RYR3: variants seen among roughly 807,000 people sequenced by gnomAD.
RYR3 encodes the protein ryanodine receptor 3.
A neutral mutation model predicts 584.3 loss-of-function variants in RYR3; 207 were observed. The ratio of observed to expected loss-of-function variants is 0.35; its 90% CI spans 0.32 to 0.40. The LOEUF (loss-of-function observed/expected upper bound fraction) is 0.40. Ranked by LOEUF, RYR3 falls within the 10% of genes least tolerant of loss-of-function variation. The pLI, the probability that RYR3 is intolerant of heterozygous loss-of-function variation, is 1.00. For synonymous variants in RYR3, 2,416 were observed against 2,248.5 expected (o/e 1.07, Z -2.11); for missense variants, 5,616 against 6,089.2 (o/e 0.92, Z 2.59).
chr15:33,608,925 G>A (rs376547090), intron 18 of RYR3, among the ~76,000 whole-genome samples: 1 of 152,214 alleles, frequency 6.6e-6, no homozygotes, highest in Non-Finnish European at 1.5e-5. Context: ...CCTCTGGAGG[G>A]CATATGGCAG....
intron 1 of RYR3, among the ~76,000 whole-genome samples, chr15:33,393,534 T>C (rs1226963522): frequency 6.6e-6 from 1 of 152,022 alleles, no homozygotes; most frequent in Non-Finnish European, 1.5e-5. Flanking sequence ...TTATTATTGA[T>C]AGGGAGGGAA....
intron 1 of RYR3, among the ~76,000 whole-genome samples, chr15:33,448,176 G>T (rs1373664032): frequency 1.3e-5 from 2 of 152,100 alleles, no homozygotes; most frequent in South Asian, 4.1e-4. Context: ...GAGTCTTCCA[G>T]TGAGGGCCTC....
intron 50 of RYR3, 56 bp from the exon 51 acceptor site, chr15:33,739,776 G>T: frequency 6.7e-7 from 1 of 1,487,652 alleles, no homozygotes; most frequent in South Asian, 1.2e-5. Flanking sequence ...GATTGGTTCT[G>T]TCTAAAGGCA....
At chr15:33,833,451 AAGG>A (rs1333108900) in intron 86 of RYR3, among the ~76,000 whole-genome samples, 2 of 152,260 alleles carry the variant, frequency 1.3e-5, no homozygotes, top group African/African-American at 4.8e-5. Context: ...TCAACTTGAA[AAGG>A]AGGATTTTGA....
intron 1 of RYR3, among the ~76,000 whole-genome samples, chr15:33,347,984 G>A (rs1013745914): frequency 2.6e-5 from 4 of 151,538 alleles, no homozygotes; most frequent in African/African-American, 9.7e-5. Flanking sequence ...ACAGAGCAAA[G>A]AAAGATATGT....
At chr15:33,585,403 G>A (rs2058797730) in intron 15 of RYR3, among the ~76,000 whole-genome samples, 1 of 152,184 alleles carries the variant, frequency 6.6e-6, no homozygotes, top group Non-Finnish European at 1.5e-5. Context: ...CCAGGCTGCA[G>A]AGGCACTAGT....
At chr15:33,615,945 C>A (rs1183919662) in intron 19 of RYR3, among the ~76,000 whole-genome samples, 1 of 152,178 alleles carries the variant, frequency 6.6e-6, no homozygotes, top group Non-Finnish European at 1.5e-5. Context: ...ATAAATACAA[C>A]ACAACAGTGT....
At chr15:33,828,821 G>A (rs1198316605) in intron 85 of RYR3, among the ~76,000 whole-genome samples, 1 of 152,196 alleles carries the variant, frequency 6.6e-6, no homozygotes, top group Non-Finnish European at 1.5e-5. Context: ...ATCTATCTAG[G>A]ATAATTGATG....
At chr15:33,319,385 C>T (rs1595700424) in intron 1 of RYR3, among the ~76,000 whole-genome samples, 1 of 152,164 alleles carries the variant, frequency 6.6e-6, no homozygotes, top group African/African-American at 2.4e-5. Context: ...TAAGCCCCTC[C>T]TAAGTCCCTT....
At chr15:33,752,521 GCTCT>G (rs1407195609) in intron 57 of RYR3, among the ~76,000 whole-genome samples, 2 of 151,978 alleles carry the variant, frequency 1.3e-5, no homozygotes, top group African/African-American at 4.8e-5. Context: ...TCGTGATTTG[GCTCT>G]CTGTTTGTCT....
intron 3 of RYR3, among the ~76,000 whole-genome samples, chr15:33,508,698 GAT>G (rs2052697791): frequency 6.6e-6 from 1 of 152,120 alleles, no homozygotes; most frequent in South Asian, 2.1e-4. Context: ...GACCTGGAAA[GAT>G]ATTATTTCTG....
intron 1 of RYR3, among the ~76,000 whole-genome samples, chr15:33,358,140 G>A (rs1368919035): frequency 1.3e-5 from 2 of 152,222 alleles, no homozygotes; most frequent in Non-Finnish European, 2.9e-5. Context: ...AGTGACCACT[G>A]ACAAGTTGTA....
chr15:33,647,988 C>CAAA (rs3085194), intron 30 of RYR3, among the ~76,000 whole-genome samples: 1,207 of 98,278 alleles, frequency 0.012, 21 homozygotes, highest in Non-Finnish European at 0.016. Context: ...TAGCATCTGG[C>CAAA]AAAAAAAAAA....
intron 27 of RYR3, among the ~76,000 whole-genome samples, chr15:33,642,647 G>T (rs1340370388): frequency 6.6e-6 from 1 of 152,204 alleles, no homozygotes; most frequent in East Asian, 1.9e-4. Flanking sequence ...ACTGTAATCA[G>T]ATTTCCAAAG....
chr15:33,581,754 C>T, intron 14 of RYR3, 111 bp downstream of exon 14: 1 of 938,214 alleles, frequency 1.1e-6, no homozygotes, highest in Admixed American at 2.0e-5. Context: ...TGGACTGCCT[C>T]ATTCCTTAGA....
In RYR3 at chr15:33,662,284, A is replaced by G. The variant is rs747869405; in HGVS notation, c.4754A>G (p.Asp1585Gly). 2 of 1,610,836 alleles carry G rather than the reference A, an allele frequency of 1.2e-6. No homozygotes were observed. Among genetic ancestry groups the G allele is most frequent in the East Asian group, 2.2e-5 (1 of 44,800 alleles). Residue 1585 changes from aspartate to glycine, a missense_variant, in exon 35 of 104, where the codon GAC becomes GGC. Physicochemically the swap from Asp to Gly is moderately conservative, Grantham distance 94. This residue lies in a region of RYR3 where 753 missense variants were observed against 741.0 expected (regional missense o/e 1.02). Coordinates refer to ENST00000634891, the MANE Select transcript of RYR3 (RefSeq NM_001036.6). Reference sequence around the variant, plus strand: ...GCCTACGCCCTGTGCAGCCACGTGGACCTCTCCCAGCTCTTCTATGCCATT... The same window carrying G: ...GCCTACGCCCTGTGCAGCCACGTGGGCCTCTCCCAGCTCTTCTATGCCATT... ...RVAYALCSHV[D>G]LSQLFYAIDN...
intron 47 of RYR3, among the ~76,000 whole-genome samples, chr15:33,731,164 A>G (rs1171102986): frequency 6.6e-6 from 1 of 152,124 alleles, no homozygotes; most frequent in African/African-American, 2.4e-5. Context: ...GCTGATTTTA[A>G]TGAGTTCAAA....
chr15:33,863,160 T>TTGAGGGGAAAGAACCCAATTTTA lies in RYR3; in HGVS notation c.14466-976_14466-954dup, dbSNP rs1889093001. Among the ~76,000 whole-genome samples the TTGAGGGGAAAGAACCCAATTTTA allele has an allele frequency of 2.0e-5, 3 of 152,212 alleles. No individual in the cohort carries two copies. In the South Asian group the frequency reaches 6.2e-4, roughly 32 times the overall value. On this transcript the variant is annotated intron_variant, in intron 102 of 103. Transcript: ENST00000634891. ...ATCTCTATCCCCTCTAGGAGCAAGC[T>TTGAGGGGAAAGAACCCAATTTTA]TGAGGGGAAAGAACCCAATTTTATT...
intron 2 of RYR3, among the ~76,000 whole-genome samples, chr15:33,478,116 G>C (rs1360717957): frequency 6.6e-6 from 1 of 150,644 alleles, no homozygotes; most frequent in Non-Finnish European, 1.5e-5. Context: ...GTTGGGGGGG[G>C]TGGTTTGGTT....
Sources: allele counts gnomAD v4.1 joint callset (sites outside exome capture counted in the v4.1 genomes callset), GRCh38; gene constraint gnomAD v4.1.1; regional missense constraint gnomAD v4.1.1; transcripts MANE v1.5; gene names NCBI Gene and HGNC (gene_info 2026-07-23, HGNC 2026-07-21).